Variants in KDM4C observed in about 807,000 individuals in gnomAD.
KDM4C encodes lysine demethylase 4C, also known as lysine-specific demethylase 4C.
A neutral mutation model predicts 129.3 loss-of-function variants in KDM4C; 81 were observed. The ratio of observed to expected loss-of-function variants is 0.63; its 90% confidence interval spans 0.52 to 0.75. The LOEUF is 0.75. Among genes scored for constraint, KDM4C ranks in the 30% least tolerant of loss-of-function variants. The pLI, the probability that KDM4C is intolerant of heterozygous loss-of-function variation, is 0.00. For synonymous variants in KDM4C, 573 were observed against 456.1 expected (o/e 1.26, Z -3.26); for missense variants, 1,457 against 1,304.0 (o/e 1.12, Z -1.81).
intron 1 of KDM4C, among the ~76,000 whole-genome samples, chr9:6,750,250 C>G (rs576445197): frequency 2.0e-5 from 3 of 151,826 alleles, no homozygotes. Flanking sequence ...ACCAGCCTGA[C>G]CAATATGGTG....
At chr9:6,803,485 G>T (rs755153946) in intron 2 of KDM4C, among the ~76,000 whole-genome samples, 6 of 151,510 alleles carry the variant, frequency 4.0e-5, no homozygotes, top group Admixed American at 4.0e-4. Context: ...CAGGAGAATC[G>T]CTTGACCCCG....
chr9:7,113,103 C>A (rs1199282225), intron 18 of KDM4C, among the ~76,000 whole-genome samples: 1 of 151,998 alleles, frequency 6.6e-6, no homozygotes, highest in Non-Finnish European at 1.5e-5. Context: ...AGATTTCTGA[C>A]CAAAGCAAAG....
At chr9:6,799,657 T>C (rs1354363659) in intron 2 of KDM4C, among the ~76,000 whole-genome samples, 3 of 148,808 alleles carry the variant, frequency 2.0e-5, no homozygotes, top group African/African-American at 5.0e-5. Context: ...TTTTTTTTTT[T>C]TTTACAAAAC....
chr9:7,173,164 A>G (rs1845129955), intron 21 of KDM4C, among the ~76,000 whole-genome samples: 2 of 152,168 alleles, frequency 1.3e-5, no homozygotes, highest in East Asian at 3.9e-4. Flanking sequence ...CCTTACCTCT[A>G]CCACTGCCCT....
intron 12 of KDM4C, among the ~76,000 whole-genome samples, chr9:6,993,666 G>C (rs554513938): frequency 6.6e-6 from 1 of 152,202 alleles, no homozygotes; most frequent in African/African-American, 2.4e-5. Context: ...CGTGCACTTA[G>C]GGGAGAGGGC....
At chr9:6,755,288 G>A (rs568733850), upstream of KDM4C, among the ~76,000 whole-genome samples, 1 of 152,132 alleles carries the variant, frequency 6.6e-6, no homozygotes, top group African/African-American at 2.4e-5. Flanking sequence ...GCAGAATGCC[G>A]TGAACCCAGG....
Position 6,966,206 on chromosome 9 carries a change from G to A in KDM4C, c.922-14719G>A, listed in dbSNP as rs142183500. Among the ~76,000 whole-genome samples, 544 of 151,368 alleles carry A rather than the reference G, an allele frequency of 3.6e-3. 17 individuals are homozygous for A. In the East Asian group the frequency reaches 0.084, roughly 23 times the overall value. On this transcript the variant is annotated intron_variant, in intron 8 of 21. Coordinates refer to ENST00000381309, the MANE Select transcript of KDM4C (RefSeq NM_015061.6). ...CTCCTAATACTTTTTTTTTTTAGAC[G>A]GAGTCTCGCTCTGTCTCCCAGGCTG...
intron 1 of KDM4C, among the ~76,000 whole-genome samples, chr9:6,730,253 G>A (rs1307886604): frequency 6.6e-6 from 1 of 152,198 alleles, no homozygotes; most frequent in Non-Finnish European, 1.5e-5. Context: ...CTGATTCTAA[G>A]CTGAAACTTG....
At chr9:7,099,332 A>T (rs1200852591) in intron 17 of KDM4C, among the ~76,000 whole-genome samples, 3 of 152,228 alleles carry the variant, frequency 2.0e-5, no homozygotes, top group African/African-American at 7.2e-5. Context: ...GCCCTTTGCC[A>T]GGCTGGATGC....
At chr9:6,824,604 G>T (rs933580792) in intron 4 of KDM4C, among the ~76,000 whole-genome samples, 3 of 150,480 alleles carry the variant, frequency 2.0e-5, no homozygotes, top group African/African-American at 7.4e-5. Context: ...TAGAAATTAA[G>T]GCCGGGCGTG....
chr9:6,920,642 G>A (rs762916420), intron 8 of KDM4C, among the ~76,000 whole-genome samples: 7 of 152,156 alleles, frequency 4.6e-5, no homozygotes, highest in Non-Finnish European at 7.3e-5. Flanking sequence ...GGGTGAAAGC[G>A]GAATTCTTTT....
chr9:6,890,430 A>G (rs975908927), intron 7 of KDM4C, among the ~76,000 whole-genome samples: 18 of 152,034 alleles, frequency 1.2e-4, no homozygotes, highest in African/African-American at 4.1e-4. Flanking sequence ...GTTGGAATAC[A>G]TTTTTTCCTT....
chr9:6,829,411 C>G (rs1045288788), intron 4 of KDM4C, among the ~76,000 whole-genome samples: 1 of 152,092 alleles, frequency 6.6e-6, no homozygotes, highest in South Asian at 2.1e-4. Context: ...GTGAGAATTA[C>G]TAAAGGAGAA....
rs561617084 is a variant in KDM4C at position 7,056,904 on chromosome 9, C to G, written c.2424+7704C>G. 2.6e-5 allele frequency among the ~76,000 whole-genome samples: 4 copies of G among 152,230 alleles called. No homozygotes were observed. The East Asian group carries it at 7.7e-4, about 29-fold the overall frequency. ...CAGGGTCATTCCTTTCACTCTAGTA[C>G]TGCCTGGGTCAATACCAACAAACAC... On this transcript the variant is annotated intron_variant, in intron 17 of 21. Coordinates refer to ENST00000381309, the MANE Select transcript of KDM4C (RefSeq NM_015061.6).
At chr9:7,138,537 A>G (rs534949074) in intron 19 of KDM4C, among the ~76,000 whole-genome samples, 2 of 152,214 alleles carry the variant, frequency 1.3e-5, no homozygotes, top group African/African-American at 4.8e-5. Flanking sequence ...CTTTTGGGCC[A>G]GGCACGGTGG....
chr9:7,165,086 A>G (rs1844235013), intron 19 of KDM4C, 152 bp from the exon 20 acceptor site: 14 of 850,792 alleles, frequency 1.6e-5, no homozygotes, highest in East Asian at 5.5e-5. Context: ...TTTGGCTCAT[A>G]TCTCTTCCCC....
intron 19 of KDM4C, among the ~76,000 whole-genome samples, chr9:7,162,956 A>C (rs537181655): frequency 6.6e-6 from 1 of 152,226 alleles, no homozygotes; most frequent in South Asian, 2.1e-4. Flanking sequence ...ATGAGTGATA[A>C]AGCAGATATT....
intron 8 of KDM4C, among the ~76,000 whole-genome samples, chr9:6,940,721 C>T (rs1033046068): frequency 6.6e-6 from 1 of 152,260 alleles, no homozygotes; most frequent in African/African-American, 2.4e-5. Flanking sequence ...TCATTTTTTA[C>T]AGCACGTAAG....
intron 17 of KDM4C, among the ~76,000 whole-genome samples, chr9:7,069,444 C>T (rs1194441031): frequency 6.6e-6 from 1 of 152,108 alleles, no homozygotes; most frequent in Non-Finnish European, 1.5e-5. Context: ...CCTAGGAGCT[C>T]TAGGTTACAG....
Sources: allele counts gnomAD v4.1 joint callset (sites outside exome capture counted in the v4.1 genomes callset), GRCh38; gene constraint gnomAD v4.1.1; transcripts MANE v1.5; gene names NCBI Gene and HGNC (gene_info 2026-07-23, HGNC 2026-07-21).